Variants in ATXN1 observed in about 807,000 individuals in gnomAD.
The protein encoded by ATXN1 is ataxin-1.
A neutral mutation model predicts 56.4 loss-of-function variants in ATXN1; 8 were observed. That is an observed-to-expected ratio of 0.14 (90% CI 0.08 to 0.26). ATXN1 has a LOEUF of 0.26. ATXN1 is among the 10% of genes least tolerant of loss of function. ATXN1 has a pLI of 1.00. For missense variants in ATXN1, 987 were observed against 1,106.5 expected (o/e 0.89, Z 1.53); for synonymous variants, 514 against 494.6 (o/e 1.04, Z -0.52).
At position 16,327,631 on chromosome 6, in the gene ATXN1, A is replaced by AGGT. The variant is rs767067650; in HGVS notation, c.677_679dup (p.His226dup). 6.3e-5 allele frequency: 97 copies of AGGT among 1,549,404 alleles called. No homozygotes were observed. The African/African-American group carries it at 7.5e-4, about 12-fold the overall frequency. ...GGTGATGAGCCCCGGAGCCCTGCTG[A>AGGT]GGTGCTGCTGCTGCTGCTGCTGCTG... On this transcript the variant is annotated inframe_insertion, in exon 7 of 8. Transcript: ENST00000436367.
rs113261740 is a variant in ATXN1, at chr6:16,542,780, A to G, written c.-360-20092T>C. Among the ~76,000 whole-genome samples, 280 of 152,338 alleles carry G rather than the reference A, an allele frequency of 1.8e-3. 2 individuals carry two copies. Among genetic ancestry groups the G allele is most frequent in the African/African-American group, 6.2e-3 (258 of 41,582 alleles). On this transcript the variant is annotated intron_variant, in intron 4 of 7. Coordinates refer to ENST00000436367, the MANE Select transcript of ATXN1 (RefSeq NM_001128164.2). ...GTATATCTACTATGTTTTTTCCTATACATATACACCCATGATAGAGTTTAA... is the reference window on the plus strand; with the variant it reads ...GTATATCTACTATGTTTTTTCCTATGCATATACACCCATGATAGAGTTTAA...
At chr6:16,347,880 C>G (rs1017422441) in intron 6 of ATXN1, among the ~76,000 whole-genome samples, 3 of 152,168 alleles carry the variant, frequency 2.0e-5, no homozygotes, top group African/African-American at 7.2e-5. Context: ...AAGCTTTGTT[C>G]TTTTTGTCTT....
rs550998196 is a variant in ATXN1, at chr6:16,403,587, G to A, written c.-160-75117C>T. On this transcript the variant is annotated intron_variant, in intron 6 of 7. Transcript: ENST00000436367. ...GCTGGTCTCGAACTCTTGAGCTCAA[G>A]TGATCCTCACACCTTGGCCTCCAAA... is the stretch of plus-strand genomic sequence containing the variant. Among the ~76,000 whole-genome samples the A allele has an allele frequency of 3.3e-5, 5 of 152,322 alleles. No homozygotes were observed. The South Asian group carries it at 1.0e-3, about 32-fold the overall frequency.
chr6:16,355,267 G>A (rs1292950266), intron 6 of ATXN1, among the ~76,000 whole-genome samples: 1 of 152,168 alleles, frequency 6.6e-6, no homozygotes, highest in Non-Finnish European at 1.5e-5. Context: ...TACATACAGA[G>A]CACCTAAAAC....
At chr6:16,376,940 G>C (rs1381783425) in intron 6 of ATXN1, among the ~76,000 whole-genome samples, 1 of 152,244 alleles carries the variant, frequency 6.6e-6, no homozygotes, top group East Asian at 1.9e-4. Context: ...AGTATACAAA[G>C]ATATAACCTG....
intron 5 of ATXN1, among the ~76,000 whole-genome samples, chr6:16,513,010 TA>T (rs1309823362): frequency 1.3e-5 from 2 of 152,242 alleles, no homozygotes; most frequent in Non-Finnish European, 2.9e-5. Flanking sequence ...GCTTTCTAAG[TA>T]AAATATCTGT....
chr6:16,701,094 T>C (rs1187822314), intron 2 of ATXN1, among the ~76,000 whole-genome samples: 2 of 152,038 alleles, frequency 1.3e-5, no homozygotes, highest in African/African-American at 4.8e-5. Flanking sequence ...ATGGCATACG[T>C]GTTGTGACGT....
intron 5 of ATXN1, among the ~76,000 whole-genome samples, chr6:16,493,585 T>C (rs1197987614): frequency 6.6e-6 from 1 of 152,164 alleles, no homozygotes. Context: ...ATGTGGTAAC[T>C]TCCGTAAAGG....
intron 4 of ATXN1, among the ~76,000 whole-genome samples, chr6:16,529,813 C>T (rs545714857): frequency 1.3e-5 from 2 of 152,238 alleles, no homozygotes; most frequent in South Asian, 2.1e-4. Context: ...GCACTTTTCA[C>T]ACTCCATGGT....
At chr6:16,350,948 G>A (rs531057673) in intron 6 of ATXN1, among the ~76,000 whole-genome samples, 2 of 152,268 alleles carry the variant, frequency 1.3e-5, no homozygotes, top group African/African-American at 2.4e-5. Context: ...GGCAGGTGTG[G>A]TGGTGCATGC....
rs1187973306 is a variant in ATXN1, at chr6:16,748,331, C to CT, written c.-615+4901dup. ...CCTTCCTTGATCCTGACTTCCTAGA[C>CT]TGTGTTACCTGTGTCATGGCTCTTT... is the stretch of plus-strand genomic sequence containing the variant. On this transcript the variant is annotated intron_variant, in intron 2 of 7. Transcript: ENST00000436367. Among the ~76,000 whole-genome samples the CT allele has an allele frequency of 3.9e-5, 6 of 152,264 alleles. No individual in the cohort carries two copies. The East Asian group carries it at 9.7e-4, about 25-fold the overall frequency.
chr6:16,590,182 T>G (rs1467337192), intron 3 of ATXN1, among the ~76,000 whole-genome samples: 2 of 152,214 alleles, frequency 1.3e-5, no homozygotes, highest in African/African-American at 4.8e-5. Flanking sequence ...ATTTGACTAA[T>G]GAATATGCCA....
intron 2 of ATXN1, among the ~76,000 whole-genome samples, chr6:16,752,745 T>C (rs1581423936): frequency 6.6e-6 from 1 of 152,206 alleles, no homozygotes; most frequent in Non-Finnish European, 1.5e-5. Context: ...AAAAACTTAC[T>C]GTACGTGGGA....
chr6:16,566,543 TA>T (rs1762220749), intron 4 of ATXN1, among the ~76,000 whole-genome samples: 1 of 151,514 alleles, frequency 6.6e-6, no homozygotes, highest in Non-Finnish European at 1.5e-5. Context: ...CCTGGCCAAT[TA>T]AAAAACAAAC....
At chr6:16,650,297 A>G (rs1369064763) in intron 3 of ATXN1, among the ~76,000 whole-genome samples, 1 of 152,234 alleles carries the variant, frequency 6.6e-6, no homozygotes, top group Non-Finnish European at 1.5e-5. Flanking sequence ...TTGATAAGGA[A>G]TTCCTAGGGG....
chr6:16,345,910 T>A (rs1554139572), intron 6 of ATXN1, among the ~76,000 whole-genome samples: 2 of 151,702 alleles, frequency 1.3e-5, no homozygotes, highest in Non-Finnish European at 2.9e-5. Flanking sequence ...CTGCTCCTCC[T>A]CCCCCAGCTC....
intron 4 of ATXN1, among the ~76,000 whole-genome samples, chr6:16,553,307 T>C (rs533849278): frequency 6.6e-6 from 1 of 152,310 alleles, no homozygotes; most frequent in South Asian, 2.1e-4. Context: ...CATGGCGTTA[T>C]TTCACCCCAA....
intron 6 of ATXN1, among the ~76,000 whole-genome samples, chr6:16,426,282 T>C (rs370655326): frequency 3.5e-5 from 5 of 144,698 alleles, no homozygotes; most frequent in Non-Finnish European, 6.1e-5. Context: ...GTGGGGAGGG[T>C]GGGGCACTTG....
At chr6:16,347,847 T>C (rs1216165676) in intron 6 of ATXN1, among the ~76,000 whole-genome samples, 1 of 152,176 alleles carries the variant, frequency 6.6e-6, no homozygotes, top group Non-Finnish European at 1.5e-5. Flanking sequence ...GGTAACCTTC[T>C]CCGATCCCTT....
Sources: allele counts gnomAD v4.1 joint callset (sites outside exome capture counted in the v4.1 genomes callset), GRCh38; gene constraint gnomAD v4.1.1; transcripts MANE v1.5; gene names NCBI Gene and HGNC (gene_info 2026-07-23, HGNC 2026-07-21).